Variants in GSE1 observed in about 807,000 individuals in gnomAD.
GSE1 encodes the protein genetic suppressor element 1.
Under a neutral mutation model 112.6 loss-of-function variants are expected in GSE1, and 32 were observed. The observed-to-expected ratio is 0.28, with a 90% CI of 0.21 to 0.38. The LOEUF is 0.38. GSE1 is among the 10% of genes least tolerant of loss of function. The pLI, the probability that GSE1 is intolerant of heterozygous loss-of-function variation, is 1.00. For missense variants in GSE1, 2,348 were observed against 1,699.2 expected (o/e 1.38, Z -6.71); for synonymous variants, 1,115 against 735.6 (o/e 1.52, Z -8.35).
chr16:85,540,946 T>C (rs2044497027), intron 2 of GSE1, among the ~76,000 whole-genome samples: 1 of 152,010 alleles, frequency 6.6e-6, no homozygotes, highest in Non-Finnish European at 1.5e-5. Flanking sequence ...TCTAGTTTTT[T>C]TGGGTTGGTT....
intron 1 of GSE1, among the ~76,000 whole-genome samples, chr16:85,231,982 T>C (rs1484905055): frequency 6.6e-6 from 1 of 152,208 alleles, no homozygotes; most frequent in African/African-American, 2.4e-5. Context: ...CAGTGTTGGC[T>C]TGCCCCCCTG....
chr16:85,655,097 G>C (rs1462118049), intron 5 of GSE1, 106 bp downstream of exon 5: 20 of 780,690 alleles, frequency 2.6e-5, no homozygotes, highest in Non-Finnish European at 3.0e-5. Context: ...CAGGCTCCTA[G>C]GGGAGGGTCT....
At chr16:85,493,790 CAAA>C (rs61555687) in intron 2 of GSE1, among the ~76,000 whole-genome samples, 3 of 84,434 alleles carry the variant, frequency 3.6e-5, no homozygotes, top group Non-Finnish European at 4.6e-5. Flanking sequence ...GACTCCGTCT[CAAA>C]AAAAAAAAAA....
intron 2 of GSE1, among the ~76,000 whole-genome samples, chr16:85,395,701 A>G (rs1183764501): frequency 6.6e-6 from 1 of 151,488 alleles, no homozygotes; most frequent in Non-Finnish European, 1.5e-5. Context: ...TCCCTCTGTC[A>G]CGTCCGCCCT....
intron 1 of GSE1, among the ~76,000 whole-genome samples, chr16:85,236,370 C>A (rs754889744): frequency 3.9e-5 from 6 of 152,204 alleles, no homozygotes; most frequent in African/African-American, 1.4e-4. Context: ...ATTTTCACAT[C>A]CCCCAAGTTG....
chr16:85,352,094 T>C (rs573322345), intron 1 of GSE1, among the ~76,000 whole-genome samples: 1 of 152,326 alleles, frequency 6.6e-6, no homozygotes, highest in Non-Finnish European at 1.5e-5. Context: ...ACCACACGTG[T>C]GTGCATGCAC....
chr16:85,482,367 G>T (rs2151874382), intron 2 of GSE1, among the ~76,000 whole-genome samples: 1 of 152,344 alleles, frequency 6.6e-6, no homozygotes, highest in East Asian at 1.9e-4. Flanking sequence ...CCTGCAAGGG[G>T]ATTAGAAAGG....
intron 1 of GSE1, among the ~76,000 whole-genome samples, chr16:85,263,074 A>G (rs904272686): frequency 1.3e-5 from 2 of 152,090 alleles, no homozygotes; most frequent in African/African-American, 4.8e-5. Flanking sequence ...CGCTTACAGC[A>G]CTCCTGACAG....
chr16:85,246,238 CGCACACCACACGCTGTCT>C (rs1487289010), intron 1 of GSE1, among the ~76,000 whole-genome samples: 14 of 123,770 alleles, frequency 1.1e-4, no homozygotes, highest in African/African-American at 3.9e-4. Flanking sequence ...CACACACACA[CGCACACCACACGCTGTCT>C]ACACACACAC....
intron 1 of GSE1, among the ~76,000 whole-genome samples, chr16:85,223,761 T>C (rs2143773441): frequency 6.6e-6 from 1 of 151,232 alleles, no homozygotes; most frequent in East Asian, 2.0e-4. Context: ...TGCGCCACCA[T>C]GCCCAGCTAA....
chr16:85,467,343 T>A (rs1261195744), intron 2 of GSE1, among the ~76,000 whole-genome samples: 3 of 152,268 alleles, frequency 2.0e-5, no homozygotes, highest in African/African-American at 7.2e-5. Flanking sequence ...GCACCTGTCT[T>A]GTTCCAGCCA....
intron 1 of GSE1, among the ~76,000 whole-genome samples, chr16:85,574,502 C>T (rs2046139624): frequency 6.6e-6 from 1 of 152,202 alleles, no homozygotes; most frequent in Admixed American, 6.5e-5. Flanking sequence ...CGAAGTTGTC[C>T]CTTCCGCCTC....
chr16:85,495,433 A>T (rs1023191516), intron 2 of GSE1, among the ~76,000 whole-genome samples: 21 of 5,048 alleles, frequency 4.2e-3, no homozygotes, highest in East Asian at 0.016. Context: ...GGAACATTTT[A>T]TTTATTTATT....
chr16:85,353,957 G>C (rs531559446), intron 1 of GSE1, among the ~76,000 whole-genome samples: 1 of 152,228 alleles, frequency 6.6e-6, no homozygotes. Context: ...CTCCGTGTCT[G>C]TTGAACAATC....
chr16:85,539,116 C>G (rs1431917157), intron 2 of GSE1, among the ~76,000 whole-genome samples: 1 of 152,244 alleles, frequency 6.6e-6, no homozygotes, highest in African/African-American at 2.4e-5. Flanking sequence ...AATTAAGGAG[C>G]TGTGCAGTTT....
chr16:85,451,074 C>CAAA (rs57839123), intron 2 of GSE1, among the ~76,000 whole-genome samples: 17 of 64,144 alleles, frequency 2.7e-4, no homozygotes, highest in Admixed American at 6.1e-4. Context: ...AACGCCATCT[C>CAAA]AAAAAAAAAA....
intron 1 of GSE1, chr16:85,171,838 G>A (rs985558164): frequency 1.4e-4 from 130 of 962,776 alleles, no homozygotes; most frequent in Non-Finnish European, 1.5e-4. Context: ...CATCTTAGAC[G>A]CTTCCTCCAA....
At chr16:85,524,325 G>A (rs1012149177) in intron 2 of GSE1, among the ~76,000 whole-genome samples, 6 of 152,040 alleles carry the variant, frequency 3.9e-5, no homozygotes, top group East Asian at 1.9e-4. Flanking sequence ...GCTGCTTGCC[G>A]GCTCTGTGGC....
chr16:85,596,394 G>T (rs1020673001), intron 1 of GSE1, among the ~76,000 whole-genome samples: 4 of 152,206 alleles, frequency 2.6e-5, no homozygotes, highest in Non-Finnish European at 5.9e-5. Context: ...CATGACAGCA[G>T]CCGGGCACCT....
Sources: allele counts gnomAD v4.1 joint callset (sites outside exome capture counted in the v4.1 genomes callset), GRCh38; gene constraint gnomAD v4.1.1; transcripts MANE v1.5; gene names NCBI Gene and HGNC (gene_info 2026-07-23, HGNC 2026-07-21).